The following LOC128462377 variants were observed in gnomAD, a reference collection of about 807,000 sequenced individuals.
chr16:89,373,489 C>T, the LOC128462377 span: 1 of 152,326 alleles, frequency 6.6e-6, no homozygotes, highest in Non-Finnish European at 1.5e-5. Flanking sequence ...CGTGCACGGC[C>T]TGAGTCACAG....
chr16:89,327,185 C>A, the LOC128462377 span, among the ~76,000 whole-genome samples: 19 of 152,176 alleles, frequency 1.2e-4, no homozygotes, highest in African/African-American at 4.3e-4. Flanking sequence ...AATCAGTCAA[C>A]GTCACCCAGC....
At chr16:89,375,867 A>G in the LOC128462377 span, among the ~76,000 whole-genome samples, 1 of 152,128 alleles carries the variant, frequency 6.6e-6, no homozygotes, top group Non-Finnish European at 1.5e-5. Flanking sequence ...AGACCCACAC[A>G]AAGTGCCACT....
the LOC128462377 span, among the ~76,000 whole-genome samples, chr16:89,400,063 T>C: frequency 2.6e-5 from 2 of 75,756 alleles, no homozygotes; most frequent in Admixed American, 1.3e-4. Context: ...TTCCCTGCGC[T>C]GGGGGCCGGT....
chr16:89,380,354 C>G, the LOC128462377 span, among the ~76,000 whole-genome samples: 1 of 152,154 alleles, frequency 6.6e-6, no homozygotes, highest in Non-Finnish European at 1.5e-5. Context: ...TCAGGTGATC[C>G]ACCCACCTCG....
chr16:89,372,515 G>T, the LOC128462377 span, among the ~76,000 whole-genome samples: 2 of 152,140 alleles, frequency 1.3e-5, no homozygotes, highest in Non-Finnish European at 2.9e-5. Context: ...GTTTCCAGCT[G>T]ACAGAGACGC....
chr16:89,328,712 C>T, the LOC128462377 span, among the ~76,000 whole-genome samples: 371 of 146,188 alleles, frequency 2.5e-3, no homozygotes, highest in Non-Finnish European at 4.2e-3. Context: ...TCAGTGGAGG[C>T]CCCTGCTGAG....
the LOC128462377 span, among the ~76,000 whole-genome samples, chr16:89,341,903 C>CGA: frequency 6.5e-3 from 346 of 53,204 alleles, no homozygotes; most frequent in Middle Eastern, 0.01. Context: ...CACCTCCACC[C>CGA]ACAGCGGCCA....
chr16:89,415,758 G>A, the LOC128462377 span, among the ~76,000 whole-genome samples: 2 of 145,480 alleles, frequency 1.4e-5, no homozygotes, highest in Non-Finnish European at 3.0e-5. Flanking sequence ...AATCTGGGAG[G>A]TGGAGGTTGC....
At chr16:89,384,879 C>CTTTTTTTTTTTTTTTTTGTTTTTTT in the LOC128462377 span, among the ~76,000 whole-genome samples, 1 of 49,910 alleles carries the variant, frequency 2.0e-5, no homozygotes, top group African/African-American at 7.9e-5. Flanking sequence ...AAATAGTTTT[C>CTTTTTTTTTTTTTTTTTGTTTTTTT]TTTTTTTTTT....
At chr16:89,349,906 ACACACAT>A in the LOC128462377 span, among the ~76,000 whole-genome samples, 6 of 125,722 alleles carry the variant, frequency 4.8e-5, no homozygotes, top group African/African-American at 2.0e-4. Context: ...ACACACACAC[ACACACAT>A]ATTCAAACAA....
At chr16:89,412,012 G>T in the LOC128462377 span, among the ~76,000 whole-genome samples, 1 of 103,548 alleles carries the variant, frequency 9.7e-6, no homozygotes. Context: ...TCCTGGCCGT[G>T]CCCCATCCCT....
At chr16:89,365,220 T>C in the LOC128462377 span, among the ~76,000 whole-genome samples, 2 of 152,184 alleles carry the variant, frequency 1.3e-5, no homozygotes, top group African/African-American at 4.8e-5. Flanking sequence ...GAAGGGGAAG[T>C]TCCAGAGCTG....
At chr16:89,358,726 G>A in the LOC128462377 span, among the ~76,000 whole-genome samples, 3 of 152,168 alleles carry the variant, frequency 2.0e-5, no homozygotes, top group African/African-American at 7.2e-5. Context: ...TGCTGAGGAC[G>A]GGACATCTGC....
chr16:89,376,960 A>C, the LOC128462377 span, among the ~76,000 whole-genome samples: 1 of 152,142 alleles, frequency 6.6e-6, no homozygotes, highest in Non-Finnish European at 1.5e-5. Context: ...AAAGATAAAC[A>C]CCAGCTGCCA....
chr16:89,377,832 C>A, the LOC128462377 span, among the ~76,000 whole-genome samples: 1 of 152,076 alleles, frequency 6.6e-6, no homozygotes, highest in Non-Finnish European at 1.5e-5. Flanking sequence ...AATGCGCCTG[C>A]CTCTCCTGCC....
At chr16:89,402,409 G>A in the LOC128462377 span, among the ~76,000 whole-genome samples, 1 of 152,066 alleles carries the variant, frequency 6.6e-6, no homozygotes, top group African/African-American at 2.4e-5. Context: ...TTAAATTTAG[G>A]TAGTAGCTCA....
the LOC128462377 span, among the ~76,000 whole-genome samples, chr16:89,384,251 C>G: frequency 0.021 from 3,168 of 152,238 alleles, 125 homozygotes; most frequent in African/African-American, 0.073. Context: ...TTTCTCAAGG[C>G]TGGGCACGGT....
the LOC128462377 span, among the ~76,000 whole-genome samples, chr16:89,346,397 A>G: frequency 6.6e-6 from 1 of 152,230 alleles, no homozygotes; most frequent in South Asian, 2.1e-4. Context: ...AGCAAGACCA[A>G]GCTGGAGCTA....
the LOC128462377 span, among the ~76,000 whole-genome samples, chr16:89,384,037 T>C: frequency 6.6e-6 from 1 of 152,092 alleles, no homozygotes; most frequent in Non-Finnish European, 1.5e-5. Context: ...CTGGCCAACA[T>C]GGCAAAACCC....
Sources: allele counts gnomAD v4.1 joint callset (sites outside exome capture counted in the v4.1 genomes callset), GRCh38; gene constraint gnomAD v4.1.1; transcripts MANE v1.5.